DUSP10: variants seen among roughly 807,000 people sequenced by gnomAD.
The protein encoded by DUSP10 is dual specificity protein phosphatase 10.
A neutral mutation model predicts 30.8 loss-of-function variants in DUSP10; 14 were observed. The observed-to-expected ratio is 0.46, with a 90% confidence interval of 0.30 to 0.71. The LOEUF (loss-of-function observed/expected upper bound fraction) is 0.71, where lower values mean the gene tolerates loss of function less well. DUSP10 is among the 30% of genes least tolerant of loss of function. DUSP10 has a pLI of 0.08. For synonymous variants in DUSP10, 254 were observed against 250.4 expected, an observed-to-expected ratio of 1.01 and a Z score of -0.14; for missense variants, 550 against 619.4, an observed-to-expected ratio of 0.89 and a Z score of 1.19.
intron 2 of DUSP10, among the ~76,000 whole-genome samples, chr1:221,722,263 G>A (rs1486250873): frequency 1.3e-5 from 2 of 152,224 alleles, no homozygotes; most frequent in African/African-American, 2.4e-5. Context: ...AAAGGGCCTT[G>A]AAGCCTCTGG....
intron 2 of DUSP10, among the ~76,000 whole-genome samples, chr1:221,726,386 A>G (rs1330911135): frequency 6.6e-6 from 1 of 152,192 alleles, no homozygotes; most frequent in Non-Finnish European, 1.5e-5. Flanking sequence ...TGGTAATAAG[A>G]CAGGTTACAG....
chr1:221,709,974 A>T (rs922487893), intron 2 of DUSP10, among the ~76,000 whole-genome samples: 1 of 152,164 alleles, frequency 6.6e-6, no homozygotes, highest in African/African-American at 2.4e-5. Context: ...GGTTAAGAGC[A>T]AAGGTCAGAG....
At chr1:221,732,422 G>T (rs1325573396) in intron 2 of DUSP10, among the ~76,000 whole-genome samples, 1 of 152,184 alleles carries the variant, frequency 6.6e-6, no homozygotes, top group Non-Finnish European at 1.5e-5. Context: ...TATAGACCAT[G>T]AACTGCTGGT....
At position 221,727,248 on chromosome 1, in the gene DUSP10, C is replaced by T. The variant is rs551615591; in HGVS notation, c.811+11686G>A. ...GGCTCATTCAATTAGTCACTATATA[C>T]GCTCCTAAGAAAGGTAATGAGAAAA... is the stretch of plus-strand genomic sequence containing the variant. On this transcript the variant is annotated intron_variant, in intron 2 of 3. Transcript: ENST00000366899. Among the ~76,000 whole-genome samples the T allele has an allele frequency of 1.2e-3, 187 of 152,242 alleles. 1 individual carries two copies. The highest frequency in any genetic ancestry group is 4.1e-3 in the African/African-American group (170 of 41,536).
At position 221,738,914 on chromosome 1, in the gene DUSP10, G is replaced by A. The variant is rs773857180; in HGVS notation, c.811+20C>T. 5.1e-6 allele frequency: 8 copies of A among 1,578,634 alleles called. No homozygotes were observed. The highest frequency in any genetic ancestry group is 6.9e-6 in the Non-Finnish European group (8 of 1,162,238). ...CCCGGCTAATCAGGACCGTGCTTGG[G>A]AAGGGAGCAGGGGCATTACCTTTCA... On this transcript the variant is annotated intron_variant, in intron 2 of 3. Transcript: ENST00000366899.
At chr1:221,738,863 C>A in intron 2 of DUSP10, 71 bp downstream of exon 2, 2 of 1,516,958 alleles carry the variant, frequency 1.3e-6, no homozygotes, top group South Asian at 2.7e-5. Context: ...AGAATGCTGT[C>A]ACTCTACGAG....
At chr1:221,713,990 A>C (rs1661019645) in intron 2 of DUSP10, among the ~76,000 whole-genome samples, 2 of 152,332 alleles carry the variant, frequency 1.3e-5, no homozygotes, top group Admixed American at 1.3e-4. Context: ...TCCCAAAACT[A>C]TCTTCCAATA....
intron 2 of DUSP10, among the ~76,000 whole-genome samples, chr1:221,721,457 C>T (rs1661275356): frequency 6.6e-6 from 1 of 152,232 alleles, no homozygotes; most frequent in Non-Finnish European, 1.5e-5. Context: ...CCAGCTGTAA[C>T]TCACACAGTC....
chr1:221,708,608 T>TA (rs1660836729), intron 2 of DUSP10, among the ~76,000 whole-genome samples: 1 of 152,246 alleles, frequency 6.6e-6, no homozygotes, highest in Non-Finnish European at 1.5e-5. Flanking sequence ...TAGTTTATTC[T>TA]GCTAGGCAAT....
At chr1:221,727,774 G>C (rs1661467158) in intron 2 of DUSP10, among the ~76,000 whole-genome samples, 1 of 152,122 alleles carries the variant, frequency 6.6e-6, no homozygotes, top group South Asian at 2.1e-4. Flanking sequence ...AAAATGCTCA[G>C]ATTTTTAAAT....
At chr1:221,726,213 C>T (rs980083319) in intron 2 of DUSP10, among the ~76,000 whole-genome samples, 1 of 152,186 alleles carries the variant, frequency 6.6e-6, no homozygotes, top group East Asian at 1.9e-4. Context: ...TGGCAACTAG[C>T]ACCCAAAATG....
At position 221,706,481 on chromosome 1, in the gene DUSP10, C is replaced by T. The variant is rs1305267170; in HGVS notation, c.812-15G>A. On this transcript the variant is annotated splice_polypyrimidine_tract_variant and intron_variant, in intron 2 of 3. Transcript: ENST00000366899. This position sits in a 1 kb window ranked among gnomAD's most constrained non-coding sequence, Gnocchi z 4.6. ...ACTAAGTCCACCTAGAACACAAACA[C>T]AGAAGGTGAGTGTGACTGAGATTTC... is the stretch of plus-strand genomic sequence containing the variant. 2 of 1,479,692 alleles carry T rather than the reference C, an allele frequency of 1.4e-6. No homozygotes were observed. Among genetic ancestry groups the T allele is most frequent in the African/African-American group, 2.8e-5 (2 of 71,160 alleles). 91.7% of individuals were successfully genotyped at this position (1,479,692 alleles called of 1,614,324 possible). A position where few individuals can be genotyped will look rare whatever the true frequency, so the allele number is the denominator to read the frequency against.
Position 221,739,387 on chromosome 1 carries a change from T to C in DUSP10, c.358A>G (p.Asn120Asp). ...CTTAGAGAGCCTGTATTCTCATTAT[T>C]GTTGACCATCTGGTTAGCAGGGCAG... ...TTCPANQMVNNNENTGSLSPS... is the reference protein window; with the variant it reads ...TTCPANQMVNDNENTGSLSPS... The change falls in exon 2 of 4, where the codon AAT (asparagine) becomes GAT (aspartate). Residue 120 changes from asparagine (N) to aspartate (D), a missense_variant. Transcript: ENST00000366899. 1 of 1,614,168 alleles carries C rather than the reference T, an allele frequency of 6.2e-7. No individual in the cohort carries two copies. The highest frequency in any genetic ancestry group is 1.3e-5 in the African/African-American group (1 of 75,040).
In DUSP10 at chr1:221,701,603, A is replaced by G. The variant is rs1660608787; in HGVS notation, c.*809T>C. 6.6e-6 allele frequency: 1 copy of G among 151,314 alleles called. No homozygotes were observed. Among genetic ancestry groups the G allele is most frequent in the South Asian group, 2.1e-4 (1 of 4,772 alleles). 9.4% of individuals were successfully genotyped at this position (151,314 alleles called of 1,614,324 possible). Reference sequence around the variant, plus strand: ...ATCAAATCAGAAAAAAAAAAAAAAAAGGAAAAAGGTGGGAAGGAAAGTATT... The same window carrying G: ...ATCAAATCAGAAAAAAAAAAAAAAAGGGAAAAAGGTGGGAAGGAAAGTATT... On this transcript the variant is annotated 3_prime_UTR_variant, in exon 4 of 4. Coordinates refer to ENST00000366899, the MANE Select transcript of DUSP10 (RefSeq NM_007207.6).
At position 221,701,959 on chromosome 1, in the gene DUSP10, T is replaced by G; in HGVS notation, c.*453A>C. Reference sequence around the variant, plus strand: ...GTGAGCACAACAGGGCTTGGTTTGGTTGGGTTTTTGTTTTCTGTGTGGACA... The same window carrying G: ...GTGAGCACAACAGGGCTTGGTTTGGGTGGGTTTTTGTTTTCTGTGTGGACA... On this transcript the variant is annotated 3_prime_UTR_variant, in exon 4 of 4. Transcript: ENST00000366899. 1 of 157,880 alleles carries G rather than the reference T, an allele frequency of 6.3e-6. No individual in the cohort carries two copies. The highest frequency in any genetic ancestry group is 1.4e-5 in the Non-Finnish European group (1 of 71,658). The allele number at this position is 157,880 out of a possible 1,614,324, so 9.8% of individuals were successfully genotyped here.
intron 2 of DUSP10, among the ~76,000 whole-genome samples, chr1:221,708,103 A>C (rs1364523082): frequency 6.6e-6 from 1 of 152,214 alleles, no homozygotes; most frequent in Non-Finnish European, 1.5e-5. Context: ...CTTTGAAAAG[A>C]GGGGGAAGTG....
At chr1:221,730,549 G>A (rs902959383) in intron 2 of DUSP10, among the ~76,000 whole-genome samples, 7 of 152,182 alleles carry the variant, frequency 4.6e-5, no homozygotes, top group Non-Finnish European at 1.0e-4. Flanking sequence ...GCGGTGGCCT[G>A]AGTAGGCCTT....
rs1216298665 is a variant in DUSP10, at chr1:221,701,805, C to G, written c.*607G>C. ...CTATTTCAAAAAAAATCTCTTAAACCCAGAGAAGGAAAAAAAAAAAAAATC... is the reference window on the plus strand; with the variant it reads ...CTATTTCAAAAAAAATCTCTTAAACGCAGAGAAGGAAAAAAAAAAAAAATC... On this transcript the variant is annotated 3_prime_UTR_variant, in exon 4 of 4. Coordinates refer to ENST00000366899, the MANE Select transcript of DUSP10 (RefSeq NM_007207.6). 6.6e-6 allele frequency: 1 copy of G among 151,612 alleles called. No homozygotes were observed. The highest frequency in any genetic ancestry group is 1.5e-5 in the Non-Finnish European group (1 of 67,882). 9.4% of individuals were successfully genotyped at this position (151,612 alleles called of 1,614,324 possible).
intron 2 of DUSP10, among the ~76,000 whole-genome samples, chr1:221,718,028 T>C (rs950412792): frequency 2.7e-5 from 4 of 149,304 alleles, no homozygotes; most frequent in Admixed American, 6.9e-5. Context: ...ACAAAGCCCC[T>C]GAGAGCCAAC....
Sources: allele counts gnomAD v4.1 joint callset (sites outside exome capture counted in the v4.1 genomes callset), GRCh38; gene constraint gnomAD v4.1.1; non-coding constraint Gnocchi (gnomAD v3.1); transcripts MANE v1.5; gene names NCBI Gene and HGNC (gene_info 2026-07-23, HGNC 2026-07-21).